The following PLEKHG2 variants were observed in gnomAD, a reference collection of about 807,000 sequenced individuals.
PLEKHG2 encodes the protein pleckstrin homology domain-containing family G member 2.
A neutral mutation model predicts 104.4 loss-of-function variants in PLEKHG2; 71 were observed. The observed-to-expected ratio is 0.68, with a 90% CI of 0.56 to 0.83. PLEKHG2 has a LOEUF of 0.83. PLEKHG2 is among the 40% of genes least tolerant of loss of function. The probability of loss-of-function intolerance (pLI) is 0.00; values close to 1 mark genes in which losing one functional copy is unlikely to be tolerated. For synonymous variants in PLEKHG2, 728 were observed against 737.0 expected, an observed-to-expected ratio of 0.99 and a Z score of 0.20; for missense variants, 1,730 against 1,809.4, an observed-to-expected ratio of 0.96 and a Z score of 0.80.
Position 39,424,667 on chromosome 19 carries a change from A to T in PLEKHG2, c.3534A>T (p.Ala1178=). The stretch of plus-strand genomic sequence containing the variant: ...CAGACATCCAGGGTCCAGCGGCTGC[A>T]CCTCCACTTCCGGAGCCAAGCCTTA... The part of the protein sequence containing the change: ...SLPDIQGPAA[A]PPLPEPSLTD... The change falls in exon 19 of 19, where the codon GCA becomes GCT. Residue 1178 remains alanine (A), a synonymous_variant. Coordinates refer to ENST00000425673, the MANE Select transcript of PLEKHG2 (RefSeq NM_022835.3). The T allele has an allele frequency of 6.2e-7, 1 of 1,614,048 alleles. No individual in the cohort carries two copies. The highest frequency in any genetic ancestry group is 1.1e-5 in the South Asian group (1 of 91,076).
At chr19:39,420,922 A>T in intron 13 of PLEKHG2, 27 bp from the exon 14 acceptor site, 2 of 1,614,004 alleles carry the variant, frequency 1.2e-6, no homozygotes, top group Non-Finnish European at 8.5e-7. Flanking sequence ...CTGGGCTCAC[A>T]CAGGGCTCTG....
chr19:39,417,989 G>T lies in PLEKHG2; in HGVS notation c.967G>T (p.Gly323Cys). 1 of 1,553,936 alleles carries T rather than the reference G, an allele frequency of 6.4e-7. No individual in the cohort carries two copies. The highest frequency in any genetic ancestry group is 1.4e-5 in the African/African-American group (1 of 73,422). Residue 323 changes from glycine to cysteine, a missense_variant, in exon 9 of 19, where the codon GGC becomes TGC. Transcript: ENST00000425673. The stretch of plus-strand genomic sequence containing the variant: ...GGTGTTGGAGGGCGCGTTCCGAGGA[G>T]GCGGAGGGGGTGGCCCCCGGCTACG... ...ELVLEGAFRGGGGGGPRLRGG... is the reference protein window; with the variant it reads ...ELVLEGAFRGCGGGGPRLRGG...
Position 39,418,982 on chromosome 19 carries a change from C to T in PLEKHG2, c.1242C>T (p.His414=). The T allele has an allele frequency of 6.2e-7, 1 of 1,612,664 alleles. No homozygotes were observed. The highest frequency in any genetic ancestry group is 8.5e-7 in the Non-Finnish European group (1 of 1,179,746). Residue 414 remains histidine (H), a synonymous_variant, in exon 11 of 19, where the codon CAC becomes CAT. Coordinates refer to ENST00000425673, the MANE Select transcript of PLEKHG2 (RefSeq NM_022835.3). ...TCCAGCGCCTCTTCTTTGAGAACCACCCTGCCTCCATCCCTGCCAAGGTAC... is the reference window on the plus strand; with the variant it reads ...TCCAGCGCCTCTTCTTTGAGAACCATCCTGCCTCCATCCCTGCCAAGGTAC... The part of the protein sequence containing the change: ...HCLQRLFFEN[H]PASIPAKAKQ...
Position 39,426,302 on chromosome 19 carries a change from CACAT to C in PLEKHG2, c.*1011_*1014del, listed in dbSNP as rs1333359171. ...GAATATCCCAGTTCTTGTACCCACT[CACAT>C]ACCTCAGATCCCTTCACTCCTCCCC... is the stretch of plus-strand genomic sequence containing the variant. On this transcript the variant is annotated 3_prime_UTR_variant, in exon 19 of 19. Transcript: ENST00000425673. The C allele has an allele frequency of 6.6e-6, 1 of 152,260 alleles. No homozygotes were observed. The highest frequency in any genetic ancestry group is 1.5e-5 in the Non-Finnish European group (1 of 68,076). 9.4% of individuals were successfully genotyped at this position (152,260 alleles called of 1,614,324 possible). A position where few individuals can be genotyped will look rare whatever the true frequency, so the allele number is the denominator to read the frequency against.
In PLEKHG2 at chr19:39,423,840, A is replaced by C; in HGVS notation, c.2707A>C (p.Ile903Leu). Residue 903 changes from isoleucine to leucine, a missense_variant, in exon 19 of 19, where the codon ATA becomes CTA. Physicochemically the swap from Ile to Leu is conservative, Grantham distance 5. Coordinates refer to ENST00000425673, the MANE Select transcript of PLEKHG2 (RefSeq NM_022835.3). ...LGPAVWVQAA[I>L]PLSKQGGSPD... ...TCCTGCTGTCTGGGTTCAAGCTGCC[A>C]TACCTTTGTCAAAGCAGGGAGGCAG... is the stretch of plus-strand genomic sequence containing the variant. 4.3e-6 allele frequency: 7 copies of C among 1,614,204 alleles called. No homozygotes were observed. The highest frequency in any genetic ancestry group is 5.9e-6 in the Non-Finnish European group (7 of 1,180,042).
At chr19:39,420,528 A>G in intron 11 of PLEKHG2, 98 bp from the exon 12 acceptor site, 1 of 1,512,020 alleles carries the variant, frequency 6.6e-7, no homozygotes, top group Non-Finnish European at 9.2e-7. Flanking sequence ...AAAAACAAAA[A>G]CAGCACCCAT....
rs2078637070 is a variant in PLEKHG2, at chr19:39,418,040, TTC to T, written c.1023_1024del (p.Arg342AspfsTer39). On this transcript the variant is annotated frameshift_variant, in exon 9 of 19. Coordinates refer to ENST00000425673, the MANE Select transcript of PLEKHG2 (RefSeq NM_022835.3). LOFTEE classifies it high-confidence loss of function. ...AGGGGGTGAGCGGCTGCTCTTCCTGTTCTCTCGGATGCTGCTGGTGGCCAAGC... is the reference window on the plus strand; with the variant it reads ...AGGGGGTGAGCGGCTGCTCTTCCTGTTCTCGGATGCTGCTGGTGGCCAAGC... ...LRGGERLLFL[F>X]SRMLLVAKRR... The T allele has an allele frequency of 6.4e-7, 1 of 1,553,416 alleles. No individual in the cohort carries two copies. Among genetic ancestry groups the T allele is most frequent in the Non-Finnish European group, 8.7e-7 (1 of 1,150,132 alleles).
rs771760688 is a variant in PLEKHG2 at position 39,422,858 on chromosome 19, C to T, written c.1804C>T (p.Leu602=). 9 of 1,575,478 alleles carry T rather than the reference C, an allele frequency of 5.7e-6. No individual in the cohort carries two copies. The highest frequency in any genetic ancestry group is 6.9e-6 in the Non-Finnish European group (8 of 1,159,096). Residue 602 remains leucine, a synonymous_variant, in exon 18 of 19, where the codon CTG becomes TTG. Coordinates refer to ENST00000425673, the MANE Select transcript of PLEKHG2 (RefSeq NM_022835.3). The part of the protein sequence containing the change: ...SEEEEEEEEG[L]EMDERGPSPL... ...AGAGGAGGAGGAGGAAGAGGAAGGG[C>T]TGGAGATGGATGAACGGGGGCCTTC... is the stretch of plus-strand genomic sequence containing the variant.
At position 39,427,777 on chromosome 19, in the gene PLEKHG2, T is replaced by C. The variant is rs1401392220; in HGVS notation, c.*2483T>C. The C allele has an allele frequency of 6.5e-6, 1 of 152,842 alleles. No homozygotes were observed. Among genetic ancestry groups the C allele is most frequent in the African/African-American group, 2.4e-5 (1 of 41,498 alleles). The allele number at this position is 152,842 out of a possible 1,614,324, so 9.5% of individuals were successfully genotyped here. A position where few individuals can be genotyped will look rare whatever the true frequency, so the allele number is the denominator to read the frequency against. On this transcript the variant is annotated 3_prime_UTR_variant, in exon 19 of 19. Coordinates refer to ENST00000425673, the MANE Select transcript of PLEKHG2 (RefSeq NM_022835.3). ...CCTAATATGCAAGTGAGCATGTTTT[T>C]TAATCCTCAGTCTAGAGGTGAGGAA...
At chr19:39,418,676 C>A in intron 9 of PLEKHG2, 58 bp from the exon 10 acceptor site, 3 of 1,403,894 alleles carry the variant, frequency 2.1e-6, no homozygotes, top group East Asian at 2.3e-5. Flanking sequence ...TGTCTCCGTA[C>A]AAGGGGCATC....
rs1442278214 is a variant in PLEKHG2, at chr19:39,424,747, A to G, written c.3614A>G (p.Asp1205Gly). 6.2e-7 allele frequency: 1 copy of G among 1,614,182 alleles called. No individual in the cohort carries two copies. Among genetic ancestry groups the G allele is most frequent in the African/African-American group, 1.3e-5 (1 of 75,042 alleles). The change falls in exon 19 of 19, where the codon GAT becomes GGT. Residue 1205 changes from aspartate to glycine, a missense_variant. Transcript: ENST00000425673. ...TCGTTGGAGCAGAAGAGCCTCATAG[A>G]TGCCCATGTTCCAGCTGCCACACCT... is the stretch of plus-strand genomic sequence containing the variant. The part of the protein sequence containing the change: ...TPSLEQKSLI[D>G]AHVPAATPLP...
At chr19:39,417,494 ATTCTCTTTCTCC>A in intron 7 of PLEKHG2, 49 bp from the exon 8 acceptor site, 1 of 1,581,714 alleles carries the variant, frequency 6.3e-7, no homozygotes, top group Non-Finnish European at 8.6e-7. Context: ...TGTTATTCTC[ATTCTCTTTCTCC>A]TTCTCTGTTT....
rs750693401 is a variant in PLEKHG2, at chr19:39,424,289, T to C, written c.3156T>C (p.Asn1052=). 4 of 1,613,982 alleles carry C rather than the reference T, an allele frequency of 2.5e-6. No homozygotes were observed. Among genetic ancestry groups the C allele is most frequent in the Non-Finnish European group, 3.4e-6 (4 of 1,179,988 alleles). ...ACCTAGACAGCGAGAGCCCAACCAA[T>C]ATCCCACTGACAAAGCAAGGAGGTT... The part of the protein sequence containing the change: ...EGHLDSESPT[N]IPLTKQGGSR... Residue 1052 remains asparagine, a synonymous_variant, in exon 19 of 19, where the codon AAT becomes AAC. Transcript: ENST00000425673.
In PLEKHG2 at chr19:39,422,199, GCTGGACCCCCAACA is replaced by G. The variant is rs2078709126; in HGVS notation, c.1598_1611del (p.Pro533LeufsTer7). On this transcript the variant is annotated frameshift_variant, in exon 17 of 19. Coordinates refer to ENST00000425673, the MANE Select transcript of PLEKHG2 (RefSeq NM_022835.3). LOFTEE classifies it high-confidence loss of function. The stretch of plus-strand genomic sequence containing the variant: ...TGCACCCCCTGAGGACCTGGAGGAT[GCTGGACCCCCAACA>G]CTGGACCCCTCTGGGACCTCAATCA... 1 of 1,613,776 alleles carries G rather than the reference GCTGGACCCCCAACA, an allele frequency of 6.2e-7. No homozygotes were observed. The highest frequency in any genetic ancestry group is 8.5e-7 in the Non-Finnish European group (1 of 1,179,930).
chr19:39,425,158 A>G lies in PLEKHG2; in HGVS notation c.4025A>G (p.His1342Arg), dbSNP rs1290443719. ...AGCTATGCCACGACGGTTAACATCC[A>G]CGTGGGCGGGGGTGGGCGGCTGCGG... ...RLSYATTVNIHVGGGGRLRPA... is the reference protein window; with the variant it reads ...RLSYATTVNIRVGGGGRLRPA... The change falls in exon 19 of 19, where the codon CAC (histidine) becomes CGC (arginine). Residue 1342 changes from histidine to arginine, a missense_variant. Coordinates refer to ENST00000425673, the MANE Select transcript of PLEKHG2 (RefSeq NM_022835.3). 1 of 1,596,112 alleles carries G rather than the reference A, an allele frequency of 6.3e-7. No individual in the cohort carries two copies. Among genetic ancestry groups the G allele is most frequent in the African/African-American group, 1.3e-5 (1 of 74,280 alleles).
At position 39,424,550 on chromosome 19, in the gene PLEKHG2, G is replaced by A; in HGVS notation, c.3417G>A (p.Gln1139=). 1 of 1,614,092 alleles carries A rather than the reference G, an allele frequency of 6.2e-7. No individual in the cohort carries two copies. The highest frequency in any genetic ancestry group is 8.5e-7 in the Non-Finnish European group (1 of 1,180,034). The change falls in exon 19 of 19, where the codon CAG becomes CAA. Residue 1139 remains glutamine, a synonymous_variant. Coordinates refer to ENST00000425673, the MANE Select transcript of PLEKHG2 (RefSeq NM_022835.3). ...TGTCCCAGGAGCTCCCAGACACTCA[G>A]GTTCCAGCTACCACACCTTTGCCCC... ...LSLSQELPDT[Q]VPATTPLPLP...
rs2078613730 is a variant in PLEKHG2, at chr19:39,416,872, C to G, written c.616C>G (p.Leu206Val). Residue 206 changes from leucine to valine, a missense_variant, in exon 7 of 19, where the codon CTG becomes GTG. Leu to Val is a conservative substitution (Grantham distance 32, BLOSUM62 1). Transcript: ENST00000425673. The surrounding 1 kb of genome is among the most constrained non-coding windows in gnomAD (Gnocchi z 4.5). ...YPSSLALLRELSLSPPAALWL... is the reference protein window; with the variant it reads ...YPSSLALLREVSLSPPAALWL... ...CAGCTCCCTGGCCCTGCTCCGGGAG[C>G]TGTCGTTGTCTCCGCCAGCAGCCCT... 1 of 1,609,820 alleles carries G rather than the reference C, an allele frequency of 6.2e-7. No homozygotes were observed. The highest frequency in any genetic ancestry group is 8.5e-7 in the Non-Finnish European group (1 of 1,178,460).
rs1462992620 is a variant in PLEKHG2, at chr19:39,424,684, C to G, written c.3551C>G (p.Pro1184Arg). The stretch of plus-strand genomic sequence containing the variant: ...GCGGCTGCACCTCCACTTCCGGAGC[C>G]AAGCCTTACAGATACACAGGTCCAA... ...GPAAAPPLPE[P>R]SLTDTQVQKL... The change falls in exon 19 of 19, where the codon CCA (proline) becomes CGA (arginine). Residue 1184 changes from proline to arginine, a missense_variant. By Grantham distance (103) the Pro-to-Arg change is moderately radical (BLOSUM62 -2). Coordinates refer to ENST00000425673, the MANE Select transcript of PLEKHG2 (RefSeq NM_022835.3). The G allele has an allele frequency of 5.0e-6, 8 of 1,614,206 alleles. No individual in the cohort carries two copies. Among genetic ancestry groups the G allele is most frequent in the Non-Finnish European group, 5.9e-6 (7 of 1,180,038 alleles).
At chr19:39,414,249 T>C (rs565087025) in intron 2 of PLEKHG2, 54 bp downstream of exon 2, 1 of 1,500,730 alleles carries the variant, frequency 6.7e-7, no homozygotes, top group South Asian at 1.2e-5. Flanking sequence ...TCCTTGGCAA[T>C]GCTGTCAAGG....
Sources: allele counts gnomAD v4.1 joint callset, GRCh38; gene constraint gnomAD v4.1.1; non-coding constraint Gnocchi (gnomAD v3.1); transcripts MANE v1.5; gene names NCBI Gene and HGNC (gene_info 2026-07-23, HGNC 2026-07-21).